Variants in NSMCE2 observed in about 807,000 individuals in gnomAD.
NSMCE2 encodes E3 SUMO-protein ligase NSE2.
NSMCE2 carries 24 observed loss-of-function variants against 23.8 expected under a neutral mutation model. The ratio of observed to expected loss-of-function variants is 1.01; its 90% CI spans 0.73 to 1.42. NSMCE2 has a LOEUF of 1.42. Ranked by LOEUF, NSMCE2 falls within the 40% of genes most tolerant of loss-of-function variation. The pLI is 0.00. For synonymous variants in NSMCE2, 92 were observed against 94.1 expected (o/e 0.98, Z 0.13); for missense variants, 284 against 296.5 (o/e 0.96, Z 0.31).
rs990400117 is a variant in NSMCE2, at chr8:125,305,928, A to G, written c.419-51291A>G. The stretch of plus-strand genomic sequence containing the variant: ...AACAATCAGTTGTAGTACAGGCTAA[A>G]TGTTATTTTAGGGTGCTGTTACAGG... On this transcript the variant is annotated intron_variant, in intron 5 of 7. Coordinates refer to ENST00000287437, the MANE Select transcript of NSMCE2 (RefSeq NM_173685.4). Among the ~76,000 whole-genome samples the G allele has an allele frequency of 3.3e-5, 5 of 152,166 alleles. No homozygotes were observed. In the South Asian group the frequency reaches 6.2e-4, roughly 19 times the overall value.
chr8:125,169,590 G>A (rs1370335341), intron 4 of NSMCE2, among the ~76,000 whole-genome samples: 1 of 151,888 alleles, frequency 6.6e-6, no homozygotes, highest in East Asian at 1.9e-4. Context: ...AAATTTTCCT[G>A]CTTCTCAAAT....
At chr8:125,300,769 G>A (rs1828529581) in intron 5 of NSMCE2, among the ~76,000 whole-genome samples, 1 of 152,102 alleles carries the variant, frequency 6.6e-6, no homozygotes, top group Admixed American at 6.6e-5. Context: ...ATGTAGCCTG[G>A]GGAGAGAGGA....
chr8:125,362,116 GA>G (rs1813584384), intron 7 of NSMCE2, among the ~76,000 whole-genome samples: 1 of 152,210 alleles, frequency 6.6e-6, no homozygotes, highest in Non-Finnish European at 1.5e-5. Flanking sequence ...TGCGAGGCCT[GA>G]AGGGCTGACT....
chr8:125,183,634 G>GGTTGTGTGTGTGTGTGTGTGT (rs71515999), intron 5 of NSMCE2, among the ~76,000 whole-genome samples: 12 of 147,588 alleles, frequency 8.1e-5, no homozygotes, highest in African/African-American at 3.0e-4. Context: ...ATTACTCAGT[G>GGTTGTGTGTGTGTGTGTGTGT]GTGTGTGTGT....
At position 125,164,776 on chromosome 8, in the gene NSMCE2, T is replaced by C. The variant is rs16900409; in HGVS notation, c.264+13499T>C. 6.6e-3 allele frequency among the ~76,000 whole-genome samples: 1,005 copies of C among 152,342 alleles called. 8 individuals carry two copies. The highest frequency in any genetic ancestry group is 0.023 in the African/African-American group (971 of 41,584). On this transcript the variant is annotated intron_variant, in intron 4 of 7. Coordinates refer to ENST00000287437, the MANE Select transcript of NSMCE2 (RefSeq NM_173685.4). ...AATGAAATAAACTTTTTTCTAGTTT[T>C]AATGATATGGTTTATGTTTATATTT... is the stretch of plus-strand genomic sequence containing the variant.
chr8:125,318,086 A>G (rs1335823587), intron 5 of NSMCE2, among the ~76,000 whole-genome samples: 1 of 152,198 alleles, frequency 6.6e-6, no homozygotes, highest in Non-Finnish European at 1.5e-5. Flanking sequence ...CAGTAAGAAT[A>G]TAAGATGTTT....
At chr8:125,265,378 T>C (rs994805683) in intron 5 of NSMCE2, among the ~76,000 whole-genome samples, 2 of 152,058 alleles carry the variant, frequency 1.3e-5, no homozygotes, top group Admixed American at 1.3e-4. Flanking sequence ...TGCACCACTG[T>C]GCCCGGCTGA....
chr8:125,231,144 C>A (rs886194054), intron 5 of NSMCE2, among the ~76,000 whole-genome samples: 1 of 152,018 alleles, frequency 6.6e-6, no homozygotes, highest in African/African-American at 2.4e-5. Flanking sequence ...TAGAATAAAC[C>A]TTACAGTCCT....
chr8:125,122,653 A>G (rs934326811), intron 3 of NSMCE2, among the ~76,000 whole-genome samples: 1 of 151,884 alleles, frequency 6.6e-6, no homozygotes, highest in African/African-American at 2.4e-5. Flanking sequence ...TTCCTCTCCC[A>G]CCCAAACCAA....
chr8:125,238,882 T>A (rs113850586), intron 5 of NSMCE2, among the ~76,000 whole-genome samples: 13 of 152,338 alleles, frequency 8.5e-5, no homozygotes, highest in Non-Finnish European at 1.2e-4. Flanking sequence ...GGGTTATTAG[T>A]ACATATATCA....
chr8:125,278,271 A>G (rs148280252), intron 5 of NSMCE2, among the ~76,000 whole-genome samples: 77 of 152,206 alleles, frequency 5.1e-4, no homozygotes, highest in African/African-American at 1.8e-3. Context: ...TCCTGCGGAG[A>G]TATTGAGCAA....
chr8:125,316,919 T>C (rs111408884), intron 5 of NSMCE2, among the ~76,000 whole-genome samples: 1,774 of 151,988 alleles, frequency 0.012, 39 homozygotes, highest in African/African-American at 0.039. Flanking sequence ...GCTGGCACTA[T>C]AGGCGTGTGC....
chr8:125,123,422 T>A (rs1034276458), intron 3 of NSMCE2, among the ~76,000 whole-genome samples: 1 of 152,246 alleles, frequency 6.6e-6, no homozygotes, highest in Non-Finnish European at 1.5e-5. Flanking sequence ...AATTTATAAA[T>A]CTTATTGCAG....
At chr8:125,334,055 CTG>C (rs1342574772) in intron 5 of NSMCE2, among the ~76,000 whole-genome samples, 1 of 152,142 alleles carries the variant, frequency 6.6e-6, no homozygotes, top group East Asian at 1.9e-4. Context: ...TTGTCTGTGT[CTG>C]TACTTTCTCA....
intron 4 of NSMCE2, among the ~76,000 whole-genome samples, chr8:125,162,451 G>A (rs1291653624): frequency 2.0e-5 from 3 of 152,030 alleles, no homozygotes; most frequent in East Asian, 1.9e-4. Flanking sequence ...TGTTACAATC[G>A]TAAATTTTCC....
At chr8:125,155,073 G>A (rs1821240651) in intron 4 of NSMCE2, among the ~76,000 whole-genome samples, 1 of 152,208 alleles carries the variant, frequency 6.6e-6, no homozygotes. Flanking sequence ...AAGTCAATCA[G>A]CAAAGTCCAT....
intron 5 of NSMCE2, among the ~76,000 whole-genome samples, chr8:125,215,925 TTG>T (rs895267435): frequency 6.6e-6 from 1 of 152,234 alleles, no homozygotes; most frequent in Non-Finnish European, 1.5e-5. Flanking sequence ...TCTACAAGAA[TTG>T]TGTGTTGGCA....
intron 3 of NSMCE2, among the ~76,000 whole-genome samples, chr8:125,137,648 C>T (rs745808084): frequency 2.0e-5 from 3 of 152,056 alleles, no homozygotes; most frequent in Non-Finnish European, 4.4e-5. Flanking sequence ...ATCTTAAGAG[C>T]GAATTTGACA....
intron 5 of NSMCE2, among the ~76,000 whole-genome samples, chr8:125,349,058 CACACAG>C (rs1216464276): frequency 7.2e-6 from 1 of 139,530 alleles, no homozygotes; most frequent in East Asian, 2.0e-4. Context: ...CACACACACA[CACACAG>C]AGCTCTTAAT....
Sources: gnomAD v4.1 joint callset for allele counts (sites outside exome capture counted in the v4.1 genomes callset) on GRCh38, gnomAD v4.1.1 for gene constraint, MANE v1.5 for transcripts, NCBI Gene and HGNC (gene_info 2026-07-23, HGNC 2026-07-21) for gene names.